The following AMMECR1 variants were observed in gnomAD, a reference collection of about 807,000 sequenced individuals.
AMMECR1 encodes nuclear protein AMMECR1.
Under a neutral mutation model 22.5 loss-of-function variants are expected in AMMECR1, and 3 were observed. That is an observed-to-expected ratio of 0.13 (90% CI 0.06 to 0.35). The LOEUF (loss-of-function observed/expected upper bound fraction) is 0.35, where lower values mean the gene tolerates loss of function less well. Ranked by LOEUF, AMMECR1 falls within the 10% of genes least tolerant of loss-of-function variation. The probability of loss-of-function intolerance (pLI) is 1.00; values close to 1 mark genes in which losing one functional copy is unlikely to be tolerated. For synonymous variants in AMMECR1, 130 were observed against 116.7 expected (o/e 1.11, Z -0.74); for missense variants, 235 against 278.7 (o/e 0.84, Z 1.12).
chrX:110,416,835 GTGC>G (rs2068680935), intron 2 of AMMECR1, among the ~76,000 whole-genome samples: 2 of 111,922 alleles, frequency 1.8e-5, no homozygotes, highest in Non-Finnish European at 3.8e-5. Context: ...CATGCCCATG[GTGC>G]CAGTGAACTC....
chrX:110,410,826 C>T (rs867679255), intron 2 of AMMECR1, among the ~76,000 whole-genome samples: 1 of 112,180 alleles, frequency 8.9e-6, no homozygotes, highest in African/African-American at 3.2e-5. Context: ...CAGCAGCCTC[C>T]AAGCCACAAG....
At chrX:110,379,045 T>G (rs534486959) in intron 2 of AMMECR1, among the ~76,000 whole-genome samples, 80 of 112,192 alleles carry the variant, frequency 7.1e-4, no homozygotes, top group African/African-American at 2.5e-3. Context: ...CCCACCATTT[T>G]TCTCACTACT....
chrX:110,416,781 T>C (rs1443599969), intron 2 of AMMECR1, among the ~76,000 whole-genome samples: 5 of 112,277 alleles, frequency 4.5e-5, no homozygotes, highest in Non-Finnish European at 9.4e-5. Context: ...CCTGTCCTTC[T>C]ATAGCAAGAC....
chrX:110,200,609 G>A (rs1455346620), intron 5 of AMMECR1, among the ~76,000 whole-genome samples: 1 of 112,068 alleles, frequency 8.9e-6, no homozygotes, highest in Non-Finnish European at 1.9e-5. Flanking sequence ...TTTGAGGACT[G>A]TTTATCAGAA....
intron 2 of AMMECR1, among the ~76,000 whole-genome samples, chrX:110,251,958 G>T (rs1295355690): frequency 9.0e-6 from 1 of 111,600 alleles, no homozygotes; most frequent in African/African-American, 3.3e-5. Flanking sequence ...TTCATTTCTT[G>T]GCCATTCTCA....
At position 110,408,146 on chromosome X, in the gene AMMECR1, C is replaced by T. The variant is rs749169455; in HGVS notation, c.-148+18512G>A. Among the ~76,000 whole-genome samples, 258 of 112,663 alleles carry T rather than the reference C, an allele frequency of 2.3e-3. 1 individual carries two copies. The highest frequency in any genetic ancestry group is 7.3e-3 in the African/African-American group (227 of 31,028). On this transcript the variant is annotated intron_variant, in intron 2 of 7. Coordinates refer to the AMMECR1 transcript ENST00000372057. Reference sequence around the variant, plus strand: ...GCTTTGGTGAAAGCAGAAGTCCTGCCCAGCCTAGCTGAACTGAGCAGGAGC... The same window carrying T: ...GCTTTGGTGAAAGCAGAAGTCCTGCTCAGCCTAGCTGAACTGAGCAGGAGC...
At chrX:110,341,101 T>A (rs1250550311) in intron 2 of AMMECR1, among the ~76,000 whole-genome samples, 1 of 112,819 alleles carries the variant, frequency 8.9e-6, no homozygotes, top group Non-Finnish European at 1.9e-5. Context: ...TGTTTCACTT[T>A]GTTTTAAGTC....
At chrX:110,230,283 G>A (rs1052525743) in intron 2 of AMMECR1, among the ~76,000 whole-genome samples, 1 of 111,982 alleles carries the variant, frequency 8.9e-6, no homozygotes, top group Non-Finnish European at 1.9e-5. Flanking sequence ...ATATGCAGCT[G>A]CCCCTCTGGG....
chrX:110,339,886 GACAAA>G (rs368193942), intron 2 of AMMECR1, among the ~76,000 whole-genome samples: 3 of 110,247 alleles, frequency 2.7e-5, no homozygotes, highest in Non-Finnish European at 5.7e-5. Context: ...AGTTTTGAGT[GACAAA>G]ACAAACAAAA....
chrX:110,306,344 T>C (rs2067995157), intron 1 of AMMECR1, among the ~76,000 whole-genome samples: 1 of 112,295 alleles, frequency 8.9e-6, no homozygotes, highest in Non-Finnish European at 1.9e-5. Context: ...TACTTTTGAT[T>C]TTAATGCCTT....
intron 2 of AMMECR1, among the ~76,000 whole-genome samples, chrX:110,374,813 G>A (rs1041749200): frequency 2.2e-4 from 24 of 110,788 alleles, no homozygotes; most frequent in African/African-American, 7.2e-4. Flanking sequence ...GTGGATATGT[G>A]GAGGGTGGGT....
chrX:110,342,749 T>C (rs2068170039), intron 2 of AMMECR1, among the ~76,000 whole-genome samples: 1 of 112,069 alleles, frequency 8.9e-6, no homozygotes, highest in African/African-American at 3.3e-5. Flanking sequence ...CTTAATATAC[T>C]ACTTAATTAC....
At chrX:110,429,502 A>G (rs946570909) in intron 1 of AMMECR1, among the ~76,000 whole-genome samples, 1 of 62,703 alleles carries the variant, frequency 1.6e-5, no homozygotes, top group Admixed American at 2.0e-4. Flanking sequence ...TTTTGTTTTT[A>G]CAGAGGCTTG....
chrX:110,411,725 A>T (rs994890724), intron 2 of AMMECR1, among the ~76,000 whole-genome samples: 6 of 111,972 alleles, frequency 5.4e-5, no homozygotes, highest in Non-Finnish European at 7.5e-5. Context: ...TATTCAGAAT[A>T]CTCCACCAGC....
At chrX:110,312,572 G>A (rs2068028582) in intron 1 of AMMECR1, among the ~76,000 whole-genome samples, 1 of 111,830 alleles carries the variant, frequency 8.9e-6, no homozygotes, top group Admixed American at 9.5e-5. Context: ...AGCAAAATAA[G>A]CATTTTCTTT....
chrX:110,409,566 C>T (rs1391869811), intron 2 of AMMECR1, among the ~76,000 whole-genome samples: 1 of 111,244 alleles, frequency 9.0e-6, no homozygotes, highest in Non-Finnish European at 1.9e-5. Flanking sequence ...TCAATGCCCT[C>T]CATGCCCCCA....
At chrX:110,304,615 A>C (rs922882902) in intron 1 of AMMECR1, among the ~76,000 whole-genome samples, 4 of 112,012 alleles carry the variant, frequency 3.6e-5, no homozygotes, top group African/African-American at 1.3e-4. Context: ...GTTATTTCCT[A>C]GTCTCTTGTC....
intron 2 of AMMECR1, among the ~76,000 whole-genome samples, chrX:110,422,932 G>A (rs1437853610): frequency 8.9e-6 from 1 of 112,287 alleles, no homozygotes; most frequent in South Asian, 3.7e-4. Flanking sequence ...CAAGAACTGG[G>A]GGCTGAGGGG....
At chrX:110,434,919 G>A (rs1027658562) in intron 1 of AMMECR1, among the ~76,000 whole-genome samples, 2 of 109,283 alleles carry the variant, frequency 1.8e-5, no homozygotes, top group East Asian at 2.9e-4. Context: ...ACACCAGCCC[G>A]GAGTGAGAAG....
Sources: allele counts gnomAD v4.1 joint callset (sites outside exome capture counted in the v4.1 genomes callset), GRCh38; gene constraint gnomAD v4.1.1; transcripts MANE v1.5; gene names NCBI Gene and HGNC (gene_info 2026-07-23, HGNC 2026-07-21).